Variants in PPARGC1B observed in about 807,000 individuals in gnomAD.
The protein encoded by PPARGC1B is PPARG coactivator 1 beta.
Under a neutral mutation model 101.6 loss-of-function variants are expected in PPARGC1B, and 34 were observed. The ratio of observed to expected loss-of-function variants is 0.33; its 90% CI spans 0.25 to 0.45. The LOEUF (loss-of-function observed/expected upper bound fraction) is 0.45. PPARGC1B is among the 20% of genes least tolerant of loss of function. PPARGC1B has a pLI of 1.00. For missense variants in PPARGC1B, 1,234 were observed against 1,317.6 expected, an observed-to-expected ratio of 0.94 and a Z score of 0.98; for synonymous variants, 548 against 539.3, an observed-to-expected ratio of 1.02 and a Z score of -0.22.
chr5:149,767,835 G>T (rs542564920), intron 1 of PPARGC1B, among the ~76,000 whole-genome samples: 2 of 152,034 alleles, frequency 1.3e-5, no homozygotes, highest in Admixed American at 6.5e-5. Context: ...GGGGTTGGGG[G>T]TGGGGGGTGG....
At chr5:149,796,693 A>G (rs149744754) in intron 1 of PPARGC1B, among the ~76,000 whole-genome samples, 265 of 152,266 alleles carry the variant, frequency 1.7e-3, no homozygotes, top group African/African-American at 5.7e-3. Flanking sequence ...AGTGCAGACA[A>G]GACTGGCTGA....
At chr5:149,796,162 G>A (rs531440927) in intron 1 of PPARGC1B, among the ~76,000 whole-genome samples, 1 of 152,294 alleles carries the variant, frequency 6.6e-6, no homozygotes, top group East Asian at 1.9e-4. Flanking sequence ...GCCATGCGAT[G>A]GAGAGTGTGA....
chr5:149,777,561 A>AAG (rs1756413703), intron 1 of PPARGC1B, among the ~76,000 whole-genome samples: 1 of 152,022 alleles, frequency 6.6e-6, no homozygotes, highest in Non-Finnish European at 1.5e-5. Flanking sequence ...GCAGGCAGGG[A>AAG]AGAGTTAAGT....
At chr5:149,819,470 GTGTT>G (rs72216498) in intron 1 of PPARGC1B, among the ~76,000 whole-genome samples, 49,305 of 151,252 alleles carry the variant, frequency 0.33, 8,387 homozygotes, top group African/African-American at 0.42. Context: ...CATGATATGG[GTGTT>G]TGTTTGTTTG....
chr5:149,811,576 A>G (rs550722622), intron 1 of PPARGC1B, among the ~76,000 whole-genome samples: 91 of 152,318 alleles, frequency 6.0e-4, no homozygotes, highest in African/African-American at 2.1e-3. Context: ...TGAGGCTCTC[A>G]GGCACCTTAG....
chr5:149,843,893 A>G (rs949010363), intron 10 of PPARGC1B, among the ~76,000 whole-genome samples: 26 of 152,258 alleles, frequency 1.7e-4, no homozygotes, highest in African/African-American at 6.0e-4. Context: ...AGCCAGGCAC[A>G]GAAAGACAAA....
intron 2 of PPARGC1B, among the ~76,000 whole-genome samples, chr5:149,821,200 AG>A (rs1194021514): frequency 2.0e-5 from 3 of 152,210 alleles, no homozygotes; most frequent in Non-Finnish European, 4.4e-5. Flanking sequence ...AACAACTCTC[AG>A]TTGTAAATAC....
chr5:149,787,783 A>G (rs1367646170), intron 1 of PPARGC1B, among the ~76,000 whole-genome samples: 1 of 152,206 alleles, frequency 6.6e-6, no homozygotes, highest in East Asian at 1.9e-4. Flanking sequence ...AATCATAACT[A>G]AATGTAGAAA....
At chr5:149,811,733 A>G (rs886855973) in intron 1 of PPARGC1B, among the ~76,000 whole-genome samples, 15 of 152,254 alleles carry the variant, frequency 9.9e-5, no homozygotes, top group African/African-American at 3.6e-4. Flanking sequence ...TGCAAGTAGC[A>G]GAAAACTCCC....
At chr5:149,831,081 T>C (rs1392317728) in intron 4 of PPARGC1B, among the ~76,000 whole-genome samples, 198 bp downstream of exon 4, 1 of 152,224 alleles carries the variant, frequency 6.6e-6, no homozygotes, top group East Asian at 1.9e-4. Context: ...CCCTGGACTT[T>C]CTCACACTTT....
At chr5:149,839,420 G>A (rs1360460121) in intron 8 of PPARGC1B, among the ~76,000 whole-genome samples, 1 of 152,224 alleles carries the variant, frequency 6.6e-6, no homozygotes, top group African/African-American at 2.4e-5. Context: ...CAGCGTGCAA[G>A]CAGGCAAGGA....
rs988793934 is a variant in PPARGC1B at position 149,834,854 on chromosome 5, C to T, written c.1742+144C>T. 8 of 730,010 alleles carry T rather than the reference C, an allele frequency of 1.1e-5. No homozygotes were observed. The African/African-American group carries it at 1.4e-4, about 13-fold the overall frequency. 45.2% of individuals were successfully genotyped at this position (730,010 alleles called of 1,614,324 possible). On this transcript the variant is annotated intron_variant, in intron 6 of 11. Transcript: ENST00000309241. The stretch of plus-strand genomic sequence containing the variant: ...TGCCCTGATTGTCATCTGGGACCCT[C>T]AGGAGCTGGGCTCCTTTAGAAGGGA...
rs1032650502 is a variant in PPARGC1B at position 149,853,194 on chromosome 5, G to A, written c.*5636G>A. 3 of 152,090 alleles carry A rather than the reference G, an allele frequency of 2.0e-5. No individual in the cohort carries two copies. Among genetic ancestry groups the A allele is most frequent in the African/African-American group, 4.8e-5 (2 of 41,382 alleles). The allele number at this position is 152,090 out of a possible 1,614,324, so 9.4% of individuals were successfully genotyped here. ...TCAGCACTTTGCCTTATCAACATGC[G>A]GTCGCCATCTAGTGGCCAAAGGTTG... On this transcript the variant is annotated 3_prime_UTR_variant, in exon 12 of 12. Transcript: ENST00000309241. This position sits in a 1 kb window ranked among gnomAD's most constrained non-coding sequence, Gnocchi z 4.2.
chr5:149,830,866 C>G lies in PPARGC1B; in HGVS notation c.565C>G (p.Gln189Glu). The change falls in exon 4 of 12, where the codon CAA becomes GAA. Residue 189 changes from glutamine to glutamate, a missense_variant. Physicochemically the swap from Gln to Glu is conservative, Grantham distance 29. Around this residue, in one of 3 missense-constraint regions of PPARGC1B, gnomAD observed 734 missense variants for 768.4 expected, o/e 0.96. Coordinates refer to ENST00000309241, the MANE Select transcript of PPARGC1B (RefSeq NM_133263.4). ...CCAGGCAGGCCTCAGATCTAAAAGTCAACGGCCTTGTGTTAAGGTATTTCT... is the reference window on the plus strand; with the variant it reads ...CCAGGCAGGCCTCAGATCTAAAAGTGAACGGCCTTGTGTTAAGGTATTTCT... ...WRQAGLRSKSQRPCVKADSTQ... is the reference protein window; with the variant it reads ...WRQAGLRSKSERPCVKADSTQ... 6.2e-7 allele frequency: 1 copy of G among 1,612,902 alleles called. No individual in the cohort carries two copies. Among genetic ancestry groups the G allele is most frequent in the Non-Finnish European group, 8.5e-7 (1 of 1,178,854 alleles).
chr5:149,786,298 G>A (rs571244320), intron 1 of PPARGC1B, among the ~76,000 whole-genome samples: 9 of 152,172 alleles, frequency 5.9e-5, no homozygotes, highest in Non-Finnish European at 1.0e-4. Flanking sequence ...GTTTCATCAC[G>A]TTGGCCAGGC....
intron 1 of PPARGC1B, among the ~76,000 whole-genome samples, chr5:149,810,510 C>T (rs957692876): frequency 3.3e-5 from 5 of 152,174 alleles, no homozygotes; most frequent in Non-Finnish European, 5.9e-5. Context: ...CATCTCACCC[C>T]GACACAGCAA....
At chr5:149,834,642 G>A in intron 5 of PPARGC1B, 32 bp from the exon 6 acceptor site, 1 of 1,606,426 alleles carries the variant, frequency 6.2e-7, no homozygotes, top group Non-Finnish European at 8.5e-7. Flanking sequence ...TACCATATTG[G>A]GGAATCTTAT....
chr5:149,768,053 C>T (rs1755982985), intron 1 of PPARGC1B, among the ~76,000 whole-genome samples: 1 of 151,710 alleles, frequency 6.6e-6, no homozygotes, highest in African/African-American at 2.4e-5. Flanking sequence ...AAGTGGGTTG[C>T]TTATGTCCAG....
intron 1 of PPARGC1B, among the ~76,000 whole-genome samples, chr5:149,805,585 G>A (rs1180179650): frequency 2.6e-5 from 4 of 152,088 alleles, no homozygotes; most frequent in South Asian, 2.1e-4. Flanking sequence ...GATTACAGGC[G>A]TGCACCACCA....
Sources: gnomAD v4.1 joint callset for allele counts (sites outside exome capture counted in the v4.1 genomes callset) on GRCh38, gnomAD v4.1.1 for gene constraint, gnomAD v4.1.1 regional missense constraint, Gnocchi (gnomAD v3.1) non-coding constraint, MANE v1.5 for transcripts, NCBI Gene and HGNC (gene_info 2026-07-23, HGNC 2026-07-21) for gene names.